The following MKS1 variants were observed in gnomAD, a reference collection of about 807,000 sequenced individuals.
The protein encoded by MKS1 is MKS transition zone complex subunit 1.
In MKS1, 70 loss-of-function variants were observed where a neutral mutation model predicts 83.7. The observed-to-expected ratio is 0.84, with a 90% CI of 0.69 to 1.02. The LOEUF is 1.02. Among genes scored for constraint, MKS1 ranks in the 50% least tolerant of loss-of-function variants. The pLI is 0.00. For synonymous variants in MKS1, 251 were observed against 273.4 expected (o/e 0.92, Z 0.81); for missense variants, 681 against 726.9 (o/e 0.94, Z 0.73).
intron 4 of MKS1, 176 bp downstream of exon 4, chr17:58,215,912 G>A (rs1037782349): frequency 2.6e-6 from 2 of 769,430 alleles, no homozygotes; most frequent in Middle Eastern, 3.7e-4. Flanking sequence ...CTCACCACCT[G>A]TAGACTGTGC....
rs1597995987 is a variant in MKS1, at chr17:58,214,752, G to A, written c.504C>T (p.Asp168=). The A allele has an allele frequency of 2.5e-6, 4 of 1,606,382 alleles. No homozygotes were observed. Among genetic ancestry groups the A allele is most frequent in the Non-Finnish European group, 3.4e-6 (4 of 1,179,750 alleles). The change falls in exon 5 of 18, where the codon GAC becomes GAT. Residue 168 remains aspartate, a synonymous_variant. Transcript: ENST00000393119. ...RMANVRRRRQ[D]RRGMEGGILK... is the part of the protein sequence containing the mutation. Reference sequence around the variant, plus strand: ...ATGCCCGCACTCACATCCCTCGCCTGTCCTGCCGGCGACGCCTGACATTTG... The same window carrying A: ...ATGCCCGCACTCACATCCCTCGCCTATCCTGCCGGCGACGCCTGACATTTG...
chr17:58,213,127 T>A (rs1336353645), intron 7 of MKS1, 37 bp from the exon 8 acceptor site: 1 of 1,591,242 alleles, frequency 6.3e-7, no homozygotes, highest in South Asian at 1.1e-5. Context: ...GCAACTCTAA[T>A]AATGAGAGAT....
chr17:58,208,361 T>C, intron 12 of MKS1, 152 bp downstream of exon 12: 1 of 1,002,240 alleles, frequency 1.0e-6, no homozygotes, highest in South Asian at 1.4e-5. Context: ...AGACAGGATC[T>C]CCGGACCAGG....
chr17:58,216,033 A>C, intron 4 of MKS1, 55 bp downstream of exon 4: 3 of 1,600,414 alleles, frequency 1.9e-6, no homozygotes, highest in Non-Finnish European at 2.6e-6. Flanking sequence ...TCAGTGAGGC[A>C]AAAAAGCTAG....
chr17:58,216,129 A>T lies in MKS1; in HGVS notation c.376T>A (p.Phe126Ile). 1 of 1,614,192 alleles carries T rather than the reference A, an allele frequency of 6.2e-7. No individual in the cohort carries two copies. The highest frequency in any genetic ancestry group is 8.5e-7 in the Non-Finnish European group (1 of 1,180,032). ...NSGGKKNRRI[F>I]TYTDSDRYTN... Reference sequence around the variant, plus strand: ...TATCTATCAGAGTCAGTGTAGGTAAAGATTCGTCGGTTTTTCTTGCCACCC... The same window carrying T: ...TATCTATCAGAGTCAGTGTAGGTAATGATTCGTCGGTTTTTCTTGCCACCC... Residue 126 changes from phenylalanine (F) to isoleucine (I), a missense_variant, in exon 4 of 18, where the codon TTT becomes ATT. Phe to Ile is a conservative substitution (Grantham distance 21, BLOSUM62 0). This residue lies in a region of MKS1 where 365 missense variants were observed against 383.8 expected (regional missense o/e 0.95). Coordinates refer to ENST00000393119, the MANE Select transcript of MKS1 (RefSeq NM_017777.4).
Position 58,210,658 on chromosome 17 carries a change from C to A in MKS1, c.1024+1G>T. On this transcript the variant is annotated splice_donor_variant, in intron 11 of 17. Coordinates refer to ENST00000393119, the MANE Select transcript of MKS1 (RefSeq NM_017777.4). LOFTEE classifies it high-confidence loss of function. The stretch of plus-strand genomic sequence containing the variant: ...AGGAGAGACTTAAGAATATTACTTA[C>A]GAGCAGTTGGCAATTCTACAAAGAA... 3.1e-6 allele frequency: 5 copies of A among 1,612,800 alleles called. No individual in the cohort carries two copies. The highest frequency in any genetic ancestry group is 4.2e-6 in the Non-Finnish European group (5 of 1,178,816).
intron 9 of MKS1, among the ~76,000 whole-genome samples, chr17:58,211,956 T>C (rs575783095): frequency 6.6e-6 from 1 of 152,204 alleles, no homozygotes; most frequent in Admixed American, 6.5e-5. Context: ...ACATGAAAGG[T>C]GAAGAAGACA....
Position 58,205,484 on chromosome 17 carries a change from C to A in MKS1, c.*595G>T. The A allele has an allele frequency of 8.0e-7, 1 of 1,253,232 alleles. No individual in the cohort carries two copies. The highest frequency in any genetic ancestry group is 1.0e-6 in the Non-Finnish European group (1 of 969,670). The allele number at this position is 1,253,232 out of a possible 1,614,324, so 77.6% of individuals were successfully genotyped here. On this transcript the variant is annotated 3_prime_UTR_variant, in exon 18 of 18. Coordinates refer to ENST00000393119, the MANE Select transcript of MKS1 (RefSeq NM_017777.4). ...ATGTAACAAAAAACAAAAAAACAAA[C>A]AAACAAAAAAACACAGTAAAAGATA...
At chr17:58,218,481 GCC>G in intron 2 of MKS1, 137 bp downstream of exon 2, 1 of 152,594 alleles carries the variant, frequency 6.6e-6, no homozygotes. Flanking sequence ...AAAAAAAAAA[GCC>G]ACAAATAGAA....
At position 58,206,851 on chromosome 17, in the gene MKS1, G is replaced by A. The variant is rs1040455421; in HGVS notation, c.1407+234C>T. 43 of 643,886 alleles carry A rather than the reference G, an allele frequency of 6.7e-5. No homozygotes were observed. In the African/African-American group the frequency reaches 7.1e-4, roughly 11 times the overall value. 39.9% of individuals were successfully genotyped at this position (643,886 alleles called of 1,614,324 possible). A position where few individuals can be genotyped will look rare whatever the true frequency, so the allele number is the denominator to read the frequency against. ...GGGGGAAAGAGCCAGTTATTCTGAT[G>A]GGAACCAGGGGAAATCTCTAATTAT... On this transcript the variant is annotated intron_variant, in intron 15 of 17. Coordinates refer to ENST00000393119, the MANE Select transcript of MKS1 (RefSeq NM_017777.4).
chr17:58,212,687 A>G (rs942515390), intron 8 of MKS1, among the ~76,000 whole-genome samples: 2 of 152,188 alleles, frequency 1.3e-5, no homozygotes, highest in Non-Finnish European at 2.9e-5. Flanking sequence ...CGGTTTCCCC[A>G]CTTATAAGGT....
At chr17:58,208,364 G>C (rs572324645) in intron 12 of MKS1, 149 bp downstream of exon 12, 1 of 1,008,052 alleles carries the variant, frequency 9.9e-7, no homozygotes, top group Non-Finnish European at 1.5e-6. Flanking sequence ...CAGGATCTCC[G>C]GACCAGGTGG....
intron 5 of MKS1, 38 bp from the exon 6 acceptor site, chr17:58,214,425 C>A (rs745613231): frequency 1.4e-5 from 23 of 1,611,974 alleles, no homozygotes. Context: ...CCCTGGCACA[C>A]CCCAATGGAG....
chr17:58,207,271 C>T, intron 14 of MKS1, 53 bp from the exon 15 acceptor site: 8 of 1,610,330 alleles, frequency 5.0e-6, no homozygotes, highest in Admixed American at 3.3e-5. Context: ...CATGTGGCCC[C>T]TCACTGACTC....
chr17:58,218,560 C>T, intron 2 of MKS1, 60 bp downstream of exon 2: 2 of 1,259,166 alleles, frequency 1.6e-6, no homozygotes, highest in Non-Finnish European at 2.3e-6. Context: ...TACATTTGGC[C>T]ACAATTCTGA....
At position 58,214,950 on chromosome 17, in the gene MKS1, G is replaced by T. The variant is rs527295199; in HGVS notation, c.418-112C>A. ...CTCATCCAGGACCTGAACCCCACAGGTTCCGCCACCTCACAATTATACATG... is the reference window on the plus strand; with the variant it reads ...CTCATCCAGGACCTGAACCCCACAGTTTCCGCCACCTCACAATTATACATG... On this transcript the variant is annotated intron_variant, in intron 4 of 17. Transcript: ENST00000393119. 96 of 1,500,896 alleles carry T rather than the reference G, an allele frequency of 6.4e-5. No homozygotes were observed. In the African/African-American group the frequency reaches 1.2e-3, roughly 19 times the overall value. The allele number at this position is 1,500,896 out of a possible 1,614,324, so 93.0% of individuals were successfully genotyped here. A position where few individuals can be genotyped will look rare whatever the true frequency, so the allele number is the denominator to read the frequency against.
At position 58,206,039 on chromosome 17, in the gene MKS1, C is replaced by T. The variant is rs1323277521; in HGVS notation, c.*40G>A. On this transcript the variant is annotated 3_prime_UTR_variant, in exon 18 of 18. Transcript: ENST00000393119. ...GAGAGCACTGGCCTCAGATATCCCC[C>T]ATCTTGTCCTCTTGCACTGTGGGCC... 5 of 1,581,232 alleles carry T rather than the reference C, an allele frequency of 3.2e-6. No individual in the cohort carries two copies. Among genetic ancestry groups the T allele is most frequent in the Non-Finnish European group, 8.6e-7 (1 of 1,164,796 alleles).
Position 58,205,867 on chromosome 17 carries a change from G to A in MKS1, c.*212C>T. The A allele has an allele frequency of 2.1e-6, 3 of 1,432,068 alleles. No individual in the cohort carries two copies. The highest frequency in any genetic ancestry group is 1.5e-5 in the South Asian group (1 of 68,698). 88.7% of individuals were successfully genotyped at this position (1,432,068 alleles called of 1,614,324 possible). ...TTGACAGTGGCTGCAAATATAAAGG[G>A]GGGGCCACAGGGTCTCTGGCTTTAT... On this transcript the variant is annotated 3_prime_UTR_variant, in exon 18 of 18. Transcript: ENST00000393119.
intron 8 of MKS1, 58 bp downstream of exon 8, chr17:58,212,924 T>A: frequency 6.5e-7 from 1 of 1,531,704 alleles, no homozygotes; most frequent in Non-Finnish European, 9.0e-7. Flanking sequence ...TCAGAAATGG[T>A]CTCAGCTCCA....
Sources: allele counts gnomAD v4.1 joint callset (sites outside exome capture counted in the v4.1 genomes callset), GRCh38; gene constraint gnomAD v4.1.1; regional missense constraint gnomAD v4.1.1; transcripts MANE v1.5; gene names NCBI Gene and HGNC (gene_info 2026-07-23, HGNC 2026-07-21).